The following APTX variants were observed in gnomAD, a reference collection of about 807,000 sequenced individuals.
The protein encoded by APTX is forkhead-associated domain histidine triad-like protein.
APTX carries 33 observed loss-of-function variants against 42.3 expected under a neutral mutation model. That is an observed-to-expected ratio of 0.78 (90% CI 0.59 to 1.04). The LOEUF (loss-of-function observed/expected upper bound fraction) is 1.04, where lower values mean the gene tolerates loss of function less well. Among genes scored for constraint, APTX ranks in the 50% least tolerant of loss-of-function variants. The pLI, the probability that APTX is intolerant of heterozygous loss-of-function variation, is 0.00. For missense variants in APTX, 421 were observed against 415.1 expected (o/e 1.01, Z -0.12); for synonymous variants, 130 against 146.7 (o/e 0.89, Z 0.82).
chr9:32,984,503 T>A, intron 6 of APTX, 128 bp downstream of exon 6: 1 of 936,842 alleles, frequency 1.1e-6, no homozygotes. Flanking sequence ...TCAGCCCACC[T>A]GCTTTGGAAA....
At chr9:33,008,429 C>T (rs1396692961) in intron 1 of APTX, among the ~76,000 whole-genome samples, 1 of 151,800 alleles carries the variant, frequency 6.6e-6, no homozygotes, top group Non-Finnish European at 1.5e-5. Context: ...AAATTAGAGA[C>T]AGGGTCTCAC....
intron 1 of APTX, among the ~76,000 whole-genome samples, chr9:33,015,070 C>T: frequency 6.6e-6 from 1 of 152,180 alleles, no homozygotes; most frequent in East Asian, 1.9e-4. Context: ...AGCTTTGTCT[C>T]TGGTTCCATT....
rs986586873 is a variant in APTX, at chr9:32,973,472, A to G, written c.*26T>C. The G allele has an allele frequency of 6.2e-7, 1 of 1,613,380 alleles. No homozygotes were observed. Among genetic ancestry groups the G allele is most frequent in the African/African-American group, 1.3e-5 (1 of 74,930 alleles). On this transcript the variant is annotated 3_prime_UTR_variant, in exon 8 of 8. Coordinates refer to ENST00000379817, the MANE Select transcript of APTX (RefSeq NM_001195248.2). ...GCAGTTTGCTCCAGTGGGCCACACC[A>G]CAGCAGCAGCTCAGGCTCTGCAGAA...
exon 1 of APTX, chr9:33,025,075 G>C (rs1463082160): frequency 6.6e-6 from 1 of 152,576 alleles, no homozygotes; most frequent in Non-Finnish European, 1.5e-5. Context: ...AAGGGCTCCA[G>C]AAGATTCCAC....
chr9:33,010,551 C>T (rs765054111), intron 1 of APTX, among the ~76,000 whole-genome samples: 1 of 151,944 alleles, frequency 6.6e-6, no homozygotes, highest in Non-Finnish European at 1.5e-5. Flanking sequence ...GAAACCCCGT[C>T]CCTACTAAAT....
intron 1 of APTX, among the ~76,000 whole-genome samples, chr9:33,014,476 T>G (rs767867991): frequency 1.4e-4 from 21 of 146,496 alleles, no homozygotes; most frequent in Non-Finnish European, 2.5e-4. Flanking sequence ...AAAGGATGCA[T>G]AGCTGGGGAG....
intron 1 of APTX, among the ~76,000 whole-genome samples, chr9:33,022,192 T>C (rs115223178): frequency 3.4e-4 from 52 of 152,090 alleles, no homozygotes; most frequent in Admixed American, 1.4e-3. Flanking sequence ...AAGAAAACAA[T>C]TGTAACACAT....
At position 32,973,542 on chromosome 9, in the gene APTX, T is replaced by C. The variant is rs779001961; in HGVS notation, c.985A>G (p.Ile329Val). Residue 329 changes from isoleucine (I) to valine (V), a missense_variant, in exon 8 of 8, where the codon ATT becomes GTT. Transcript: ENST00000379817. ...CHECQQLLPS[I>V]PQLKEHLRKH... ...CTGAGATGTTCTTTCAGCTGAGGAATGGAAGGCAGCAGCTGCTGGCACTCA... is the reference window on the plus strand; with the variant it reads ...CTGAGATGTTCTTTCAGCTGAGGAACGGAAGGCAGCAGCTGCTGGCACTCA... 5.6e-6 allele frequency: 9 copies of C among 1,613,954 alleles called. No homozygotes were observed. The highest frequency in any genetic ancestry group is 6.8e-6 in the Non-Finnish European group (8 of 1,179,972).
At chr9:32,990,547 T>C (rs1288287878) in intron 1 of APTX, among the ~76,000 whole-genome samples, 1 of 152,128 alleles carries the variant, frequency 6.6e-6, no homozygotes, top group Non-Finnish European at 1.5e-5. Context: ...AACAGGGACA[T>C]TGTCCCTGTC....
At chr9:32,994,401 A>G (rs1834352985) in intron 1 of APTX, among the ~76,000 whole-genome samples, 1 of 152,104 alleles carries the variant, frequency 6.6e-6, no homozygotes, top group South Asian at 2.1e-4. Context: ...GTAACTCCAC[A>G]GTGCTTATGT....
chr9:32,986,131 A>T (rs1317417148), intron 4 of APTX, 101 bp from the exon 5 acceptor site: 2 of 1,072,300 alleles, frequency 1.9e-6, no homozygotes, highest in Non-Finnish European at 2.9e-6. Flanking sequence ...ACTGTGTGAT[A>T]GCACAACTAA....
chr9:33,006,999 C>CAAAAAAAAAAAAAAAAAAAAA lies in APTX; in HGVS notation c.-4-17125_-4-17105dup, dbSNP rs55924566. On this transcript the variant is annotated intron_variant, in intron 1 of 6. Coordinates refer to the APTX transcript ENST00000436040. ...TGGGCGACAGAGCAAGACTCTGTCT[C>CAAAAAAAAAAAAAAAAAAAAA]AAAAAAAAAAAAAAAAAAAAAAAAG... 5.1e-4 allele frequency among the ~76,000 whole-genome samples: 25 copies of CAAAAAAAAAAAAAAAAAAAAA among 49,456 alleles called. 1 individual carries two copies. The highest frequency in any genetic ancestry group is 7.7e-4 in the Non-Finnish European group (22 of 28,578). 32.4% of individuals were successfully genotyped at this position (49,456 alleles called of 152,430 possible). A position where few individuals can be genotyped will look rare whatever the true frequency, so the allele number is the denominator to read the frequency against.
chr9:33,014,273 A>G (rs1459522254), intron 1 of APTX, among the ~76,000 whole-genome samples: 1 of 152,210 alleles, frequency 6.6e-6, no homozygotes, highest in East Asian at 1.9e-4. Flanking sequence ...TTGATGAACC[A>G]CCACTACCAC....
At chr9:32,983,450 T>C (rs1233363776) in intron 6 of APTX, among the ~76,000 whole-genome samples, 1 of 152,182 alleles carries the variant, frequency 6.6e-6, no homozygotes, top group African/African-American at 2.4e-5. Context: ...AGTGAAAAGA[T>C]TATACACGCT....
upstream of APTX, among the ~76,000 whole-genome samples, chr9:33,003,879 A>C (rs1339231100): frequency 2.6e-5 from 4 of 152,328 alleles, no homozygotes; most frequent in East Asian, 7.7e-4. Flanking sequence ...GCATGTACAC[A>C]CCATACTTTA....
intron 1 of APTX, among the ~76,000 whole-genome samples, chr9:32,996,121 T>C (rs1418040854): frequency 1.3e-5 from 2 of 152,172 alleles, no homozygotes; most frequent in South Asian, 4.1e-4. Context: ...GACTACAGTA[T>C]AGTATAAACA....
chr9:32,986,123 T>C (rs749010732), intron 4 of APTX, 93 bp from the exon 5 acceptor site: 1 of 1,138,356 alleles, frequency 8.8e-7, no homozygotes, highest in South Asian at 1.2e-5. Context: ...CAGTTAATAC[T>C]GTGTGATAGC....
intron 1 of APTX, among the ~76,000 whole-genome samples, chr9:33,011,635 A>T (rs544783287): frequency 6.6e-6 from 1 of 152,308 alleles, no homozygotes; most frequent in African/African-American, 2.4e-5. Flanking sequence ...TGGCACCAGA[A>T]TCTTAAAGAG....
chr9:33,021,132 A>G (rs1838345371), intron 1 of APTX, among the ~76,000 whole-genome samples: 1 of 150,498 alleles, frequency 6.6e-6, no homozygotes, highest in Non-Finnish European at 1.5e-5. Flanking sequence ...TCTGTCTCAA[A>G]AAAAAAAAAA....
Sources: allele counts gnomAD v4.1 joint callset (sites outside exome capture counted in the v4.1 genomes callset), GRCh38; gene constraint gnomAD v4.1.1; transcripts MANE v1.5; gene names NCBI Gene and HGNC (gene_info 2026-07-23, HGNC 2026-07-21).